The following GPA33 variants were observed in gnomAD, a reference collection of about 807,000 sequenced individuals.
GPA33 encodes the protein glycoprotein A33.
A neutral mutation model predicts 35.6 loss-of-function variants in GPA33; 27 were observed. The observed-to-expected ratio is 0.76, with a 90% CI of 0.56 to 1.04. The LOEUF (loss-of-function observed/expected upper bound fraction) is 1.04. Among genes scored for constraint, GPA33 ranks in the 50% least tolerant of loss-of-function variants. The pLI, the probability that GPA33 is intolerant of heterozygous loss-of-function variation, is 0.00. For missense variants in GPA33, 428 were observed against 411.9 expected, an observed-to-expected ratio of 1.04 and a Z score of -0.34; for synonymous variants, 176 against 164.0, an observed-to-expected ratio of 1.07 and a Z score of -0.56.
intron 1 of GPA33, among the ~76,000 whole-genome samples, chr1:167,079,846 GAAT>G (rs1666890702): frequency 6.6e-6 from 1 of 152,138 alleles, no homozygotes; most frequent in African/African-American, 2.4e-5. Flanking sequence ...CCTCCATCTG[GAAT>G]AAATCCAGTT....
At chr1:167,082,520 T>C (rs556025813) in intron 1 of GPA33, among the ~76,000 whole-genome samples, 224 of 152,186 alleles carry the variant, frequency 1.5e-3, no homozygotes, top group Middle Eastern at 6.8e-3. Flanking sequence ...TTGTAGGTTA[T>C]AGGGAAGGTG....
At chr1:167,069,482 T>C (rs916587551) in intron 2 of GPA33, among the ~76,000 whole-genome samples, 50 of 152,228 alleles carry the variant, frequency 3.3e-4, no homozygotes, top group African/African-American at 1.1e-3. Context: ...TAGCCTATCC[T>C]CACTCATTCA....
intron 2 of GPA33, among the ~76,000 whole-genome samples, chr1:167,072,099 T>A (rs1045816922): frequency 6.6e-6 from 1 of 152,174 alleles, no homozygotes; most frequent in Non-Finnish European, 1.5e-5. Context: ...TGGCCCATCA[T>A]GGTCCCTTGG....
At position 167,055,791 on chromosome 1, in the gene GPA33, G is replaced by C. The variant is rs1666232525; in HGVS notation, c.630C>G (p.Ile210Met). The C allele has an allele frequency of 1.9e-6, 3 of 1,613,946 alleles. No homozygotes were observed. Among genetic ancestry groups the C allele is most frequent in the Non-Finnish European group, 2.5e-6 (3 of 1,179,812 alleles). Residue 210 changes from isoleucine (I) to methionine (M), a missense_variant, in exon 5 of 7, where the codon ATC becomes ATG. By Grantham distance (10) the Ile-to-Met change is conservative. Transcript: ENST00000367868. ...NISTDTSGYY[I>M]CTSSNEEGTQ... ...TCCCCTCCTCATTGCTGGAGGTACA[G>C]ATGTAGTAACCCGATGTGTCTGTGG...
intron 3 of GPA33, among the ~76,000 whole-genome samples, chr1:167,064,227 T>C (rs1057034148): frequency 8.6e-5 from 13 of 151,844 alleles, no homozygotes; most frequent in African/African-American, 3.1e-4. Context: ...GAGGTTGCAG[T>C]GAGCTGAGAT....
rs367726896 is a variant in GPA33 at position 167,063,549 on chromosome 1, G to A, written c.571+33C>T. The A allele has an allele frequency of 1.7e-5, 27 of 1,573,542 alleles. No homozygotes were observed. In the African/African-American group the frequency reaches 2.2e-4, roughly 13 times the overall value. On this transcript the variant is annotated intron_variant, in intron 4 of 6. Transcript: ENST00000367868. ...TCAGCTGCATGTGTTGCACTTTGACGTGGGGAGCCCGCCTTCCCTACTGCC... is the reference window on the plus strand; with the variant it reads ...TCAGCTGCATGTGTTGCACTTTGACATGGGGAGCCCGCCTTCCCTACTGCC...
At chr1:167,063,500 A>G in intron 4 of GPA33, 82 bp downstream of exon 4, 1 of 1,319,662 alleles carries the variant, frequency 7.6e-7, no homozygotes, top group South Asian at 1.4e-5. Context: ...TGATCGGTCA[A>G]CCCAAGTTGC....
intron 4 of GPA33, among the ~76,000 whole-genome samples, chr1:167,056,875 GTGTGTGTGGTGTGTGTAGTGTGTGTGCT>G (rs1666314454): frequency 5.3e-5 from 4 of 75,578 alleles, no homozygotes; most frequent in East Asian, 4.2e-4. Flanking sequence ...GTGGTGTGTG[GTGTGTGTGGTGTGTGTAGTGTGTGTGCT>G]GCATGTGGTG....
chr1:167,075,386 T>C (rs1666804736), intron 1 of GPA33, among the ~76,000 whole-genome samples: 1 of 152,134 alleles, frequency 6.6e-6, no homozygotes. Flanking sequence ...GGAATGTATT[T>C]AGAAGGTAGG....
At chr1:167,073,231 C>T (rs185072169) in intron 2 of GPA33, among the ~76,000 whole-genome samples, 154 bp downstream of exon 2, 6 of 152,264 alleles carry the variant, frequency 3.9e-5, no homozygotes, top group African/African-American at 1.4e-4. Flanking sequence ...CCTCCATGAG[C>T]CCAACATTCA....
intron 3 of GPA33, among the ~76,000 whole-genome samples, chr1:167,068,326 A>G (rs1666643254): frequency 6.6e-6 from 1 of 152,216 alleles, no homozygotes; most frequent in Non-Finnish European, 1.5e-5. Flanking sequence ...CATCTACAAA[A>G]TGAGGATATT....
At chr1:167,063,162 T>C (rs1047217395) in intron 4 of GPA33, among the ~76,000 whole-genome samples, 4 of 152,228 alleles carry the variant, frequency 2.6e-5, no homozygotes, top group Admixed American at 6.5e-5. Flanking sequence ...GCGCGATGGC[T>C]CACGCCTGTA....
chr1:167,082,175 CACAG>C (rs1383523352), intron 1 of GPA33: 8 of 445,754 alleles, frequency 1.8e-5, no homozygotes, highest in African/African-American at 1.6e-4. Context: ...CCTACACAAT[CACAG>C]ACAGAGAGAG....
chr1:167,089,562 C>G (rs1667116816), intron 1 of GPA33, among the ~76,000 whole-genome samples: 1 of 152,322 alleles, frequency 6.6e-6, no homozygotes, highest in South Asian at 2.1e-4. Context: ...CCCTTAGACA[C>G]TCCATAGGTC....
chr1:167,062,191 CTTTAT>C (rs921263112), intron 4 of GPA33, among the ~76,000 whole-genome samples: 4 of 150,618 alleles, frequency 2.7e-5, no homozygotes, highest in Admixed American at 6.6e-5. Context: ...TTTTATTTTA[CTTTAT>C]TTTATTTTAT....
chr1:167,061,192 G>A (rs533712196), intron 4 of GPA33, among the ~76,000 whole-genome samples: 3 of 152,278 alleles, frequency 2.0e-5, no homozygotes, highest in Non-Finnish European at 2.9e-5. Flanking sequence ...AACCACTGTC[G>A]ACTCCAATAC....
chr1:167,070,710 A>T (rs1010198724), intron 2 of GPA33, among the ~76,000 whole-genome samples: 3 of 152,240 alleles, frequency 2.0e-5, no homozygotes, highest in Non-Finnish European at 4.4e-5. Flanking sequence ...AACCAGTTTA[A>T]CAATTCAGGT....
At chr1:167,067,998 A>G (rs1666636470) in intron 3 of GPA33, among the ~76,000 whole-genome samples, 1 of 152,198 alleles carries the variant, frequency 6.6e-6, no homozygotes, top group African/African-American at 2.4e-5. Flanking sequence ...GCGAGTTTGC[A>G]TAGTTGTATA....
At chr1:167,086,955 A>C (rs1156667118) in intron 1 of GPA33, among the ~76,000 whole-genome samples, 1 of 152,108 alleles carries the variant, frequency 6.6e-6, no homozygotes, top group Non-Finnish European at 1.5e-5. Context: ...AGAGCTGTTC[A>C]GTGACTTTTG....
Sources: gnomAD v4.1 joint callset for allele counts (sites outside exome capture counted in the v4.1 genomes callset) on GRCh38, gnomAD v4.1.1 for gene constraint, MANE v1.5 for transcripts, NCBI Gene and HGNC (gene_info 2026-07-23, HGNC 2026-07-21) for gene names.